The following ARMC3 variants were observed in gnomAD, a reference collection of about 807,000 sequenced individuals.
ARMC3 encodes armadillo repeat containing 3.
A neutral mutation model predicts 90.3 loss-of-function variants in ARMC3; 74 were observed. The observed-to-expected ratio is 0.82, with a 90% confidence interval of 0.68 to 0.99. The LOEUF (loss-of-function observed/expected upper bound fraction) is 0.99. ARMC3 is among the 50% of genes least tolerant of loss of function. ARMC3 has a pLI of 0.00. For missense variants in ARMC3, 958 were observed against 1,042.8 expected (o/e 0.92, Z 1.12); for synonymous variants, 334 against 361.8 (o/e 0.92, Z 0.87).
At chr10:22,929,433 G>A (rs898835859) in intron 1 of ARMC3, among the ~76,000 whole-genome samples, 1 of 152,212 alleles carries the variant, frequency 6.6e-6, no homozygotes, top group Admixed American at 6.5e-5. Context: ...ATTCTCCACA[G>A]TGAAATGTAT....
chr10:22,998,530 C>T, intron 11 of ARMC3, 133 bp downstream of exon 11: 3 of 1,193,112 alleles, frequency 2.5e-6, no homozygotes, highest in Non-Finnish European at 3.4e-6. Flanking sequence ...CAGTGGAAAA[C>T]GAATTGGCAT....
At chr10:23,026,145 A>G in intron 16 of ARMC3, among the ~76,000 whole-genome samples, 1 of 152,122 alleles carries the variant, frequency 6.6e-6, no homozygotes, top group Non-Finnish European at 1.5e-5. Context: ...AATTTCACCA[A>G]ACACTTAAAG....
rs533942904 is a variant in ARMC3 at position 23,010,573 on chromosome 10, CCT to C, written c.2045+1647_2045+1648del. Reference sequence around the variant, plus strand: ...TCTTCTTTTCCCTTCCCTTCTCTCCCCTCTCTTTCCCTTCCCTTCCCTTCTCT... The same window carrying C: ...TCTTCTTTTCCCTTCCCTTCTCTCCCCTCTTTCCCTTCCCTTCCCTTCTCT... On this transcript the variant is annotated intron_variant, in intron 16 of 18. Transcript: ENST00000298032. Among the ~76,000 whole-genome samples the C allele has an allele frequency of 8.1e-4, 104 of 129,060 alleles. 1 individual carries two copies. The highest frequency in any genetic ancestry group is 7.6e-3 in the South Asian group (25 of 3,298). 84.7% of individuals were successfully genotyped at this position (129,060 alleles called of 152,430 possible).
At chr10:23,017,355 G>A (rs980460186) in intron 16 of ARMC3, among the ~76,000 whole-genome samples, 1 of 152,052 alleles carries the variant, frequency 6.6e-6, no homozygotes, top group African/African-American at 2.4e-5. Flanking sequence ...AATTCATCTG[G>A]ACCTCAGTCA....
intron 8 of ARMC3, among the ~76,000 whole-genome samples, chr10:22,980,319 A>G (rs1364730229): frequency 6.6e-6 from 1 of 152,152 alleles, no homozygotes; most frequent in East Asian, 1.9e-4. Context: ...AAACTTTACA[A>G]AGGGTGTTAA....
intron 16 of ARMC3, among the ~76,000 whole-genome samples, chr10:23,028,198 T>A (rs1838793162): frequency 6.6e-6 from 1 of 152,146 alleles, no homozygotes. Context: ...TTGTTCAGAT[T>A]GGATGATTTT....
rs199504671 is a variant in ARMC3, at chr10:23,037,489, C to G, written c.*10C>G. On this transcript the variant is annotated 3_prime_UTR_variant, in exon 19 of 19. Transcript: ENST00000298032. Reference sequence around the variant, plus strand: ...TTACAGATTCATTTAAGCCATCAGACGAACACAAGAGAGGCTCAAACAAGA... The same window carrying G: ...TTACAGATTCATTTAAGCCATCAGAGGAACACAAGAGAGGCTCAAACAAGA... The G allele has an allele frequency of 1.9e-6, 3 of 1,607,154 alleles. No individual in the cohort carries two copies. Among genetic ancestry groups the G allele is most frequent in the Non-Finnish European group, 2.6e-6 (3 of 1,175,664 alleles).
At position 22,991,382 on chromosome 10, in the gene ARMC3, C is replaced by T. The variant is rs114477937; in HGVS notation, c.1176-6766C>T. On this transcript the variant is annotated intron_variant, in intron 10 of 18. Transcript: ENST00000298032. ...GGCCGGATGTGATCCGTCGGTACAG[C>T]TGTTATCATTTCACCCCAAAATACA... Among the ~76,000 whole-genome samples, 616 of 152,218 alleles carry T rather than the reference C, an allele frequency of 4.0e-3. 5 individuals are homozygous for T. The highest frequency in any genetic ancestry group is 0.014 in the African/African-American group (593 of 41,546).
chr10:22,990,903 C>G (rs1294441783), intron 10 of ARMC3, among the ~76,000 whole-genome samples: 1 of 152,012 alleles, frequency 6.6e-6, no homozygotes, highest in Non-Finnish European at 1.5e-5. Flanking sequence ...CTTCCTTTCC[C>G]TTTCTCTTTG....
intron 11 of ARMC3, among the ~76,000 whole-genome samples, chr10:23,001,653 C>G (rs886823442): frequency 6.6e-6 from 1 of 152,268 alleles, no homozygotes; most frequent in East Asian, 1.9e-4. Context: ...AGTGAGAAGA[C>G]AGACTCCTGC....
intron 8 of ARMC3, among the ~76,000 whole-genome samples, chr10:22,972,042 T>C (rs962150322): frequency 3.9e-5 from 6 of 152,242 alleles, no homozygotes; most frequent in African/African-American, 1.4e-4. Context: ...GATTGGGTTG[T>C]TTTCTTGATG....
chr10:22,984,976 G>A (rs1215483246), intron 10 of ARMC3, among the ~76,000 whole-genome samples: 1 of 148,662 alleles, frequency 6.7e-6, no homozygotes, highest in East Asian at 2.0e-4. Flanking sequence ...GAGCTCAAGC[G>A]ATCCTCCTGC....
chr10:23,011,478 T>C (rs943064903), intron 16 of ARMC3, among the ~76,000 whole-genome samples: 7 of 152,212 alleles, frequency 4.6e-5, no homozygotes, highest in Admixed American at 6.5e-5. Context: ...TTTCTGTTGC[T>C]ATTATTATTG....
chr10:22,932,529 T>A (rs1198381601), intron 2 of ARMC3, among the ~76,000 whole-genome samples: 1 of 152,240 alleles, frequency 6.6e-6, no homozygotes, highest in Non-Finnish European at 1.5e-5. Context: ...TTATTCCAAA[T>A]GCTAAGTAAT....
In ARMC3 at chr10:23,037,503, G is replaced by T; in HGVS notation, c.*24G>T. ...AAGCCATCAGACGAACACAAGAGAG[G>T]CTCAAACAAGAAATTCACTGTGTAC... On this transcript the variant is annotated 3_prime_UTR_variant, in exon 19 of 19. Transcript: ENST00000298032. The T allele has an allele frequency of 6.3e-7, 1 of 1,589,972 alleles. No individual in the cohort carries two copies. The highest frequency in any genetic ancestry group is 8.6e-7 in the Non-Finnish European group (1 of 1,163,880).
chr10:22,959,190 T>A (rs1442651611), intron 5 of ARMC3, 52 bp downstream of exon 5: 2 of 1,466,018 alleles, frequency 1.4e-6, no homozygotes, highest in Non-Finnish European at 1.9e-6. Context: ...TTTTTTACAC[T>A]TGATTAAACT....
chr10:22,968,532 C>G, intron 8 of ARMC3, 43 bp downstream of exon 8: 1 of 1,488,826 alleles, frequency 6.7e-7, no homozygotes, highest in Non-Finnish European at 9.0e-7. Context: ...TAGGATCTTG[C>G]TCTGTTTCTC....
intron 8 of ARMC3, among the ~76,000 whole-genome samples, chr10:22,980,021 A>T (rs935658346): frequency 6.6e-6 from 1 of 152,162 alleles, no homozygotes. Flanking sequence ...GCGAAAAAGG[A>T]CGATTTTTTT....
intron 16 of ARMC3, among the ~76,000 whole-genome samples, chr10:23,018,405 G>A (rs1838371273): frequency 6.6e-6 from 1 of 152,072 alleles, no homozygotes; most frequent in African/African-American, 2.4e-5. Context: ...GCCATAGATG[G>A]TGCCTCTTGA....
Sources: gnomAD v4.1 joint callset for allele counts (sites outside exome capture counted in the v4.1 genomes callset) on GRCh38, gnomAD v4.1.1 for gene constraint, MANE v1.5 for transcripts, NCBI Gene and HGNC (gene_info 2026-07-23, HGNC 2026-07-21) for gene names.